PDS5B: variants seen among roughly 807,000 people sequenced by gnomAD.
PDS5B encodes the protein sister chromatid cohesion protein PDS5 homolog B.
PDS5B carries 51 observed loss-of-function variants against 184.1 expected under a neutral mutation model. The ratio of observed to expected loss-of-function variants is 0.28; its 90% CI spans 0.22 to 0.35. PDS5B has a LOEUF of 0.35. Ranked by LOEUF, PDS5B falls within the 10% of genes least tolerant of loss-of-function variation. The probability of loss-of-function intolerance (pLI) is 1.00; values close to 1 mark genes in which losing one functional copy is unlikely to be tolerated. For missense variants in PDS5B, 1,180 were observed against 1,723.3 expected (o/e 0.68, Z 5.58); for synonymous variants, 566 against 569.2 (o/e 0.99, Z 0.08).
At chr13:32,625,324 G>T (rs1338103392) in intron 1 of PDS5B, among the ~76,000 whole-genome samples, 2 of 152,096 alleles carry the variant, frequency 1.3e-5, no homozygotes, top group African/African-American at 4.8e-5. Context: ...TGATCCTCCT[G>T]TCTCAGCGTC....
chr13:32,599,801 G>C (rs1391054866), intron 1 of PDS5B, among the ~76,000 whole-genome samples: 1 of 151,974 alleles, frequency 6.6e-6, no homozygotes, highest in Non-Finnish European at 1.5e-5. Flanking sequence ...TGTAGTTCCA[G>C]CTACTTGGGA....
intron 7 of PDS5B, among the ~76,000 whole-genome samples, chr13:32,669,776 A>G (rs895222563): frequency 1.3e-5 from 2 of 152,078 alleles, no homozygotes; most frequent in Non-Finnish European, 2.9e-5. Flanking sequence ...GTTGTCCACT[A>G]TTTTCTTATT....
Position 32,775,593 on chromosome 13 carries a change from A to G in PDS5B, c.*541A>G. On this transcript the variant is annotated 3_prime_UTR_variant, in exon 35 of 35. Transcript: ENST00000315596. ...CCTTTGTGTATCTTACCTAGTGTTT[A>G]CTCCTGGGCACCCTTAATCTTCAGA... 2.2e-6 allele frequency: 1 copy of G among 453,058 alleles called. No individual in the cohort carries two copies. The highest frequency in any genetic ancestry group is 4.4e-6 in the Non-Finnish European group (1 of 225,594). The allele number at this position is 453,058 out of a possible 1,614,324, so 28.1% of individuals were successfully genotyped here.
chr13:32,589,720 G>A (rs1036879852), intron 1 of PDS5B, among the ~76,000 whole-genome samples: 17 of 152,108 alleles, frequency 1.1e-4, no homozygotes, highest in Non-Finnish European at 1.8e-4. Flanking sequence ...TCGTATTCCT[G>A]TTCGGGAATG....
intron 1 of PDS5B, among the ~76,000 whole-genome samples, chr13:32,590,560 A>C (rs554147263): frequency 6.6e-6 from 1 of 152,180 alleles, no homozygotes; most frequent in African/African-American, 2.4e-5. Context: ...ATTAGATCCC[A>C]TAAGGAGAAG....
At chr13:32,692,128 T>C (rs770867377) in intron 13 of PDS5B, among the ~76,000 whole-genome samples, 1 of 152,110 alleles carries the variant, frequency 6.6e-6, no homozygotes, top group Non-Finnish European at 1.5e-5. Flanking sequence ...AAGAACTTGT[T>C]TGGTTAGAAT....
At chr13:32,668,890 T>C (rs1471229113) in intron 7 of PDS5B, among the ~76,000 whole-genome samples, 2 of 152,212 alleles carry the variant, frequency 1.3e-5, no homozygotes, top group African/African-American at 4.8e-5. Context: ...TGTTTCTGGC[T>C]TATAGCCTTA....
At chr13:32,602,783 G>A (rs1041423066) in intron 1 of PDS5B, among the ~76,000 whole-genome samples, 1 of 152,084 alleles carries the variant, frequency 6.6e-6, no homozygotes, top group Admixed American at 6.6e-5. Context: ...TTTAAAGATC[G>A]CCATTCTAAC....
chr13:32,683,853 A>G, intron 10 of PDS5B, 25 bp from the exon 11 acceptor site: 1 of 1,511,430 alleles, frequency 6.6e-7, no homozygotes, highest in Non-Finnish European at 9.1e-7. Context: ...TAAAATTTCC[A>G]CTGTAATAAA....
At chr13:32,751,675 C>T (rs1953986281) in intron 24 of PDS5B, among the ~76,000 whole-genome samples, 1 of 151,994 alleles carries the variant, frequency 6.6e-6, no homozygotes, top group Admixed American at 6.6e-5. Context: ...GTGTCTATGT[C>T]CTTTGCCCAC....
At chr13:32,720,624 T>C (rs1952638318) in intron 19 of PDS5B, among the ~76,000 whole-genome samples, 1 of 151,558 alleles carries the variant, frequency 6.6e-6, no homozygotes, top group African/African-American at 2.4e-5. Flanking sequence ...TATTTATTTA[T>C]TTATTTTATT....
intron 9 of PDS5B, among the ~76,000 whole-genome samples, chr13:32,677,036 A>G (rs1358491222): frequency 1.3e-5 from 2 of 152,010 alleles, no homozygotes; most frequent in Non-Finnish European, 2.9e-5. Flanking sequence ...TTTTAATGAA[A>G]ACTGTCAGTG....
chr13:32,608,730 T>C (rs949106225), intron 1 of PDS5B, among the ~76,000 whole-genome samples: 3 of 152,178 alleles, frequency 2.0e-5, no homozygotes, highest in African/African-American at 7.2e-5. Flanking sequence ...TGGCACACTT[T>C]ACCATGGAAC....
intron 17 of PDS5B, among the ~76,000 whole-genome samples, chr13:32,706,036 G>C (rs1670378355): frequency 6.6e-6 from 1 of 152,052 alleles, no homozygotes; most frequent in Admixed American, 6.6e-5. Flanking sequence ...CCAGCACTTT[G>C]AGAGGCAAAG....
At chr13:32,678,407 A>C (rs1186183377) in intron 9 of PDS5B, among the ~76,000 whole-genome samples, 1 of 152,218 alleles carries the variant, frequency 6.6e-6, no homozygotes, top group Non-Finnish European at 1.5e-5. Context: ...GAGATCTGCC[A>C]TACATTAGTG....
intron 1 of PDS5B, among the ~76,000 whole-genome samples, chr13:32,600,440 A>T (rs945215627): frequency 4.6e-5 from 7 of 152,160 alleles, no homozygotes; most frequent in Non-Finnish European, 8.8e-5. Context: ...ATGGGTCTAT[A>T]GAAAGTCTGA....
At chr13:32,723,634 A>G (rs1336912609) in intron 19 of PDS5B, among the ~76,000 whole-genome samples, 4 of 152,222 alleles carry the variant, frequency 2.6e-5, no homozygotes, top group Admixed American at 6.5e-5. Context: ...TCACATAACT[A>G]TCTTTAAAAA....
intron 1 of PDS5B, among the ~76,000 whole-genome samples, chr13:32,645,697 TTATC>T (rs2061968890): frequency 6.6e-6 from 1 of 152,222 alleles, no homozygotes; most frequent in Non-Finnish European, 1.5e-5. Context: ...GCTTTTCTTG[TTATC>T]TGTTTTGTTA....
intron 9 of PDS5B, among the ~76,000 whole-genome samples, chr13:32,676,380 C>G (rs1951063678): frequency 6.6e-6 from 1 of 152,072 alleles, no homozygotes; most frequent in African/African-American, 2.4e-5. Flanking sequence ...TTCCTAACTT[C>G]CTTCTGTATT....
Sources: allele counts gnomAD v4.1 joint callset (sites outside exome capture counted in the v4.1 genomes callset), GRCh38; gene constraint gnomAD v4.1.1; transcripts MANE v1.5; gene names NCBI Gene and HGNC (gene_info 2026-07-23, HGNC 2026-07-21).